Variants in KAZN observed in about 807,000 individuals in gnomAD.
KAZN encodes kazrin, periplakin interacting protein, also known as kazrin.
Under a neutral mutation model 87.4 loss-of-function variants are expected in KAZN, and 40 were observed. That is an observed-to-expected ratio of 0.46 (90% confidence interval 0.36 to 0.60). The LOEUF (loss-of-function observed/expected upper bound fraction) is 0.60. KAZN is among the 20% of genes least tolerant of loss of function. The probability of loss-of-function intolerance (pLI) is 0.00; values close to 1 mark genes in which losing one functional copy is unlikely to be tolerated. For synonymous variants in KAZN, 466 were observed against 458.3 expected (o/e 1.02, Z -0.22); for missense variants, 898 against 1,073.9 (o/e 0.84, Z 2.29).
chr1:14,816,042 C>T (rs892458997), intron 1 of KAZN, among the ~76,000 whole-genome samples: 31 of 152,040 alleles, frequency 2.0e-4, no homozygotes, highest in African/African-American at 6.8e-4. Flanking sequence ...GTAGAAGGCC[C>T]GGAGCCTCTT....
At chr1:13,986,071 CT>C (rs1431091771) in intron 1 of KAZN, among the ~76,000 whole-genome samples, 1 of 152,200 alleles carries the variant, frequency 6.6e-6, no homozygotes, top group Non-Finnish European at 1.5e-5. Flanking sequence ...CTGTTTAAAA[CT>C]TTCAGAAACT....
chr1:14,437,792 C>T (rs1261817423), intron 2 of KAZN, among the ~76,000 whole-genome samples: 2 of 152,054 alleles, frequency 1.3e-5, no homozygotes, highest in East Asian at 1.9e-4. Flanking sequence ...GTACCTCCCC[C>T]GTGTATGTTT....
At chr1:14,370,173 G>A (rs1008392523) in intron 2 of KAZN, among the ~76,000 whole-genome samples, 1 of 152,196 alleles carries the variant, frequency 6.6e-6, no homozygotes, top group Non-Finnish European at 1.5e-5. Flanking sequence ...AACTAGAGAA[G>A]ACCAAGGCTT....
intron 1 of KAZN, among the ~76,000 whole-genome samples, chr1:14,173,040 G>A (rs1645989421): frequency 6.6e-6 from 1 of 152,088 alleles, no homozygotes; most frequent in African/African-American, 2.4e-5. Flanking sequence ...AAATCCCAGG[G>A]CACCACTTCT....
chr1:14,466,620 T>G (rs937569332), intron 2 of KAZN, among the ~76,000 whole-genome samples: 1 of 150,100 alleles, frequency 6.7e-6, no homozygotes, highest in Admixed American at 6.7e-5. Context: ...GCAACAAACC[T>G]TCACATCCTG....
At chr1:14,812,268 G>A (rs527937552) in intron 1 of KAZN, among the ~76,000 whole-genome samples, 4 of 152,122 alleles carry the variant, frequency 2.6e-5, no homozygotes, top group Non-Finnish European at 4.4e-5. Context: ...ACCATGACAC[G>A]GGGCTCACAG....
intron 2 of KAZN, among the ~76,000 whole-genome samples, chr1:14,505,150 C>A (rs1200970735): frequency 6.6e-6 from 1 of 152,212 alleles, no homozygotes; most frequent in East Asian, 1.9e-4. Flanking sequence ...TGAAGCCTCT[C>A]CTATTTCCAA....
intron 1 of KAZN, among the ~76,000 whole-genome samples, chr1:14,051,825 G>T (rs975032291): frequency 2.0e-5 from 3 of 152,140 alleles, no homozygotes; most frequent in Non-Finnish European, 4.4e-5. Flanking sequence ...GGGCAACAGA[G>T]CCAGACCCTG....
In KAZN at chr1:13,966,681, A is replaced by G. The variant is rs12144742; in HGVS notation, c.91+72925A>G. On this transcript the variant is annotated intron_variant, in intron 1 of 16. Coordinates refer to the KAZN transcript ENST00000636203. The stretch of plus-strand genomic sequence containing the variant: ...GCTTTTGGGTGCTCCAAGTGTGGCT[A>G]TCTGAGTTGAGATGTGCCGTAAGTG... Among the ~76,000 whole-genome samples, 5 of 152,170 alleles carry G rather than the reference A, an allele frequency of 3.3e-5. 1 individual carries two copies. In the South Asian group the frequency reaches 1.0e-3, roughly 32 times the overall value.
chr1:14,169,434 C>T (rs1056570458), intron 1 of KAZN, among the ~76,000 whole-genome samples: 1 of 152,182 alleles, frequency 6.6e-6, no homozygotes, highest in African/African-American at 2.4e-5. Context: ...GCCGATTAGC[C>T]TCACTGGGTG....
intron 2 of KAZN, among the ~76,000 whole-genome samples, chr1:15,016,878 T>C (rs6693220): frequency 0.97 from 147,577 of 152,276 alleles, 71,538 homozygotes; most frequent in East Asian, 1. Flanking sequence ...CCCAGGATTC[T>C]GTTTGTTTAC....
chr1:14,141,262 A>G (rs1377649464), intron 1 of KAZN, among the ~76,000 whole-genome samples: 2 of 151,624 alleles, frequency 1.3e-5, no homozygotes, highest in Non-Finnish European at 2.9e-5. Flanking sequence ...AACAAAACTA[A>G]AAATAGCTGC....
intron 2 of KAZN, among the ~76,000 whole-genome samples, chr1:14,380,576 T>A (rs1661282468): frequency 6.6e-6 from 1 of 152,098 alleles, no homozygotes; most frequent in South Asian, 2.1e-4. Context: ...ATTAACATAC[T>A]AAAAAATACA....
At chr1:13,964,201 G>A (rs929041483) in intron 1 of KAZN, among the ~76,000 whole-genome samples, 1 of 152,192 alleles carries the variant, frequency 6.6e-6, no homozygotes, top group Non-Finnish European at 1.5e-5. Flanking sequence ...TTCCCTGGAG[G>A]AGATACTATA....
intron 1 of KAZN, among the ~76,000 whole-genome samples, chr1:14,832,491 G>C (rs1385947255): frequency 6.6e-6 from 1 of 152,134 alleles, no homozygotes; most frequent in Non-Finnish European, 1.5e-5. Context: ...TTTTGATCTT[G>C]GATCTAGGGT....
At chr1:14,377,082 C>G (rs201959908) in intron 2 of KAZN, among the ~76,000 whole-genome samples, 1 of 3,112 alleles carries the variant, frequency 3.2e-4, no homozygotes, top group African/African-American at 9.6e-4. Flanking sequence ...TAGCCATTCT[C>G]CCATTCTTGT....
rs56170249 is a variant in KAZN at position 14,867,967 on chromosome 1, A to AT, written c.227-92717_227-92716insT. On this transcript the variant is annotated intron_variant, in intron 1 of 14. Coordinates refer to ENST00000376030, the MANE Select transcript of KAZN (RefSeq NM_201628.3). ...CACATAAGCACAGCATTGCATAGGC[A>AT]GGCATCGCATATGCAGGCATTGGAT... Among the ~76,000 whole-genome samples, 98 of 150,832 alleles carry AT rather than the reference A, an allele frequency of 6.5e-4. No homozygotes were observed. The South Asian group carries it at 9.8e-3, about 15-fold the overall frequency.
At chr1:14,690,430 G>T (rs2148782873) in intron 1 of KAZN, among the ~76,000 whole-genome samples, 1 of 152,246 alleles carries the variant, frequency 6.6e-6, no homozygotes, top group East Asian at 1.9e-4. Context: ...GACCGAGCTG[G>T]GCGTTCTCTG....
At chr1:14,455,064 A>G (rs867008335) in intron 2 of KAZN, among the ~76,000 whole-genome samples, 2 of 151,814 alleles carry the variant, frequency 1.3e-5, no homozygotes, top group African/African-American at 4.8e-5. Context: ...CCAGAGAAAG[A>G]GATCCAAGAA....
Sources: allele counts gnomAD v4.1 joint callset (sites outside exome capture counted in the v4.1 genomes callset), GRCh38; gene constraint gnomAD v4.1.1; transcripts MANE v1.5; gene names NCBI Gene and HGNC (gene_info 2026-07-23, HGNC 2026-07-21).